FRMPD3: variants seen among roughly 807,000 people sequenced by gnomAD.
FRMPD3 encodes the protein FERM and PDZ domain containing 3, also known as FERM and PDZ domain-containing protein 3.
A neutral mutation model predicts 97.9 loss-of-function variants in FRMPD3; 42 were observed. The ratio of observed to expected loss-of-function variants is 0.43; its 90% CI spans 0.34 to 0.55. The LOEUF is 0.55. FRMPD3 is among the 20% of genes least tolerant of loss of function. The pLI, the probability that FRMPD3 is intolerant of heterozygous loss-of-function variation, is 0.03. For synonymous variants in FRMPD3, 577 were observed against 581.1 expected (o/e 0.99, Z 0.10); for missense variants, 1,303 against 1,457.7 (o/e 0.89, Z 1.73).
At position 107,600,716 on chromosome X, in the gene FRMPD3, C is replaced by T. The variant is rs760703549; in HGVS notation, c.2677C>T (p.Leu893=). 5 of 1,200,994 alleles carry T rather than the reference C, an allele frequency of 4.2e-6. No individual in the cohort carries two copies. Among genetic ancestry groups the T allele is most frequent in the Non-Finnish European group, 5.6e-6 (5 of 890,841 alleles). ...PQLSEQKNLS[L]LSPVPEDKGP... ...GCTTAGTGAACAGAAGAATCTGAGT[C>T]TGCTGTCCCCAGTTCCTGAGGACAA... The change falls in exon 15 of 15, where the codon CTG becomes TTG. Residue 893 remains leucine (L), a synonymous_variant. Coordinates refer to ENST00000683843, the MANE Select transcript of FRMPD3 (RefSeq NM_001388459.1).
At chrX:107,457,709 C>A (rs759631913) in intron 1 of FRMPD3, among the ~76,000 whole-genome samples, 6 of 112,026 alleles carry the variant, frequency 5.4e-5, no homozygotes, top group Non-Finnish European at 1.1e-4. Flanking sequence ...TGGACTCTGA[C>A]AAAGCCCCAA....
At chrX:107,544,047 G>A (rs1263412964) in intron 4 of FRMPD3, among the ~76,000 whole-genome samples, 1 of 111,290 alleles carries the variant, frequency 9.0e-6, no homozygotes, top group Non-Finnish European at 1.9e-5. Context: ...CAGTCTTTAA[G>A]AAGAAGTAAA....
intron 1 of FRMPD3, among the ~76,000 whole-genome samples, chrX:107,498,460 G>C (rs1156758523): frequency 8.9e-6 from 1 of 111,966 alleles, no homozygotes; most frequent in Non-Finnish European, 1.9e-5. Flanking sequence ...ACAACGACTT[G>C]AAGAAAATCC....
At chrX:107,519,702 T>G (rs1922448276) in intron 1 of FRMPD3, among the ~76,000 whole-genome samples, 1 of 111,011 alleles carries the variant, frequency 9.0e-6, no homozygotes, top group African/African-American at 3.3e-5. Flanking sequence ...GGCAGGTTCC[T>G]CAAAGACGCA....
intron 1 of FRMPD3, among the ~76,000 whole-genome samples, chrX:107,470,328 G>A (rs1921023274): frequency 8.9e-6 from 1 of 112,473 alleles, no homozygotes; most frequent in Non-Finnish European, 1.9e-5. Context: ...CAAGGTTGCA[G>A]TATCTGAAGA....
At chrX:107,453,910 G>A (rs1931333878) in intron 1 of FRMPD3, among the ~76,000 whole-genome samples, 1 of 112,235 alleles carries the variant, frequency 8.9e-6, no homozygotes, top group South Asian at 3.8e-4. Flanking sequence ...TGTATAACGT[G>A]GGGCGGGGAA....
At chrX:107,485,659 C>T (rs901645591) in intron 1 of FRMPD3, among the ~76,000 whole-genome samples, 4 of 111,671 alleles carry the variant, frequency 3.6e-5, no homozygotes, top group Non-Finnish European at 7.5e-5. Flanking sequence ...AGCTCCTGCC[C>T]CTGAGTAAAT....
At chrX:107,505,491 C>T (rs1922009685) in intron 1 of FRMPD3, among the ~76,000 whole-genome samples, 1 of 112,272 alleles carries the variant, frequency 8.9e-6, no homozygotes, top group South Asian at 3.7e-4. Context: ...GACCAGGAGG[C>T]AGAGGTTGCA....
At chrX:107,568,929 G>GA (rs1922738222) in intron 12 of FRMPD3, among the ~76,000 whole-genome samples, 1 of 107,467 alleles carries the variant, frequency 9.3e-6, no homozygotes, top group Admixed American at 9.9e-5. Context: ...GAGAGAGAGA[G>GA]GGAGAGAGAG....
intron 1 of FRMPD3, among the ~76,000 whole-genome samples, chrX:107,480,542 G>A (rs1195998991): frequency 9.1e-6 from 1 of 110,497 alleles, no homozygotes; most frequent in African/African-American, 3.3e-5. Context: ...AGAGACAGTC[G>A]TTGCTGGCTG....
At chrX:107,488,121 C>A (rs1324140215) in intron 1 of FRMPD3, among the ~76,000 whole-genome samples, 1 of 111,704 alleles carries the variant, frequency 9.0e-6, no homozygotes, top group African/African-American at 3.3e-5. Context: ...GCTCTTTCCT[C>A]CGTTGCCTTG....
At position 107,496,646 on chromosome X, in the gene FRMPD3, C is replaced by T. The variant is rs181563759; in HGVS notation, c.-7-29936C>T. ...GTGTCTGACTGTGCATTCCAGAAAG[C>T]GCTCTGAGTTCTAGGTGGTAACCTG... On this transcript the variant is annotated intron_variant, in intron 1 of 14. Transcript: ENST00000683843. 2.7e-3 allele frequency among the ~76,000 whole-genome samples: 306 copies of T among 111,956 alleles called. 4 individuals are homozygous for T. Among genetic ancestry groups the T allele is most frequent in the African/African-American group, 9.3e-3 (288 of 30,828 alleles).
At chrX:107,512,563 C>T (rs951243815) in intron 1 of FRMPD3, among the ~76,000 whole-genome samples, 2 of 111,375 alleles carry the variant, frequency 1.8e-5, no homozygotes, top group African/African-American at 6.5e-5. Context: ...TCTGCCTGGT[C>T]CCCTTTCCTG....
intron 1 of FRMPD3, among the ~76,000 whole-genome samples, chrX:107,492,751 GTACATCACATTTCTCAAA>G (rs1293288586): frequency 1.2e-4 from 13 of 112,084 alleles, no homozygotes; most frequent in Non-Finnish European, 9.4e-5. Context: ...CTGATTTAGA[GTACATCACATTTCTCAAA>G]CGTTTTTGCC....
Position 107,451,162 on chromosome X carries a change from C to T in FRMPD3, c.-8+1157C>T, listed in dbSNP as rs79836774. ...AAACGCCGAATTCTGCTAGACCTGC[C>T]CCTCCCCTTGGCATCTTGGTCCAGG... On this transcript the variant is annotated intron_variant, in intron 1 of 14. Transcript: ENST00000683843. Among the ~76,000 whole-genome samples, 16 of 112,263 alleles carry T rather than the reference C, an allele frequency of 1.4e-4. No homozygotes were observed. In the East Asian group the frequency reaches 3.6e-3, roughly 26 times the overall value.
intron 1 of FRMPD3, among the ~76,000 whole-genome samples, chrX:107,470,359 G>A (rs377117780): frequency 8.9e-6 from 1 of 112,156 alleles, no homozygotes; most frequent in Non-Finnish European, 1.9e-5. Context: ...GCTGACGGAT[G>A]TGCCTCCAAA....
At chrX:107,529,175 T>C (rs962323243) in intron 2 of FRMPD3, among the ~76,000 whole-genome samples, 3 of 112,230 alleles carry the variant, frequency 2.7e-5, no homozygotes, top group Non-Finnish European at 5.6e-5. Flanking sequence ...TCCAAGAAGA[T>C]CTTTGCTAAA....
At chrX:107,535,261 A>G (rs939109664) in intron 4 of FRMPD3, among the ~76,000 whole-genome samples, 6 of 112,364 alleles carry the variant, frequency 5.3e-5, no homozygotes, top group Non-Finnish European at 5.6e-5. Flanking sequence ...CTGAAATATT[A>G]TATTTTTTAA....
chrX:107,586,672 G>A (rs1923661604), intron 13 of FRMPD3, among the ~76,000 whole-genome samples: 1 of 111,699 alleles, frequency 9.0e-6, no homozygotes, highest in Admixed American at 9.6e-5. Context: ...TGGTTTCAAA[G>A]AACTTCTTGA....
Sources: gnomAD v4.1 joint callset for allele counts (sites outside exome capture counted in the v4.1 genomes callset) on GRCh38, gnomAD v4.1.1 for gene constraint, MANE v1.5 for transcripts, NCBI Gene and HGNC (gene_info 2026-07-23, HGNC 2026-07-21) for gene names.